The following NUDT21 variants were observed in gnomAD, a reference collection of about 807,000 sequenced individuals.
NUDT21 encodes the protein nudix hydrolase 21.
NUDT21 carries 5 observed loss-of-function variants against 29.8 expected under a neutral mutation model. That is an observed-to-expected ratio of 0.17 (90% CI 0.09 to 0.35). NUDT21 has a LOEUF of 0.35. Among genes scored for constraint, NUDT21 ranks in the 10% least tolerant of loss-of-function variants. The pLI, the probability that NUDT21 is intolerant of heterozygous loss-of-function variation, is 1.00. For missense variants in NUDT21, 76 were observed against 276.0 expected (o/e 0.28, Z 5.13); for synonymous variants, 113 against 98.5 (o/e 1.15, Z -0.87).
intron 4 of NUDT21, among the ~76,000 whole-genome samples, chr16:56,437,145 C>T (rs1242279387): frequency 2.0e-5 from 3 of 152,192 alleles, no homozygotes; most frequent in Admixed American, 2.0e-4. Context: ...CCAGCATCAG[C>T]TTCCACAGCC....
At chr16:56,437,420 T>C (rs1416978903) in intron 4 of NUDT21, among the ~76,000 whole-genome samples, 5 of 152,214 alleles carry the variant, frequency 3.3e-5, no homozygotes, top group African/African-American at 1.2e-4. Context: ...ATTATTTAAA[T>C]CCAAAAGGTC....
intron 3 of NUDT21, among the ~76,000 whole-genome samples, chr16:56,442,275 G>A (rs1962168408): frequency 6.6e-6 from 1 of 152,136 alleles, no homozygotes; most frequent in African/African-American, 2.4e-5. Context: ...CCATTTTGGG[G>A]GTGAACACCC....
intron 3 of NUDT21, among the ~76,000 whole-genome samples, chr16:56,440,530 C>G (rs181727648): frequency 6.6e-6 from 1 of 152,096 alleles, no homozygotes; most frequent in African/African-American, 2.4e-5. Context: ...GTTTGATGAT[C>G]TTGATAGCTT....
Position 56,434,453 on chromosome 16 carries a change from A to G in NUDT21, c.548-8T>C. 3.4e-6 allele frequency: 5 copies of G among 1,488,888 alleles called. No individual in the cohort carries two copies. The highest frequency in any genetic ancestry group is 4.7e-6 in the Non-Finnish European group (5 of 1,067,960). 92.2% of individuals were successfully genotyped at this position (1,488,888 alleles called of 1,614,324 possible). ...TAGGGACTGCAAACAAGGCTAAAAT[A>G]AAACAGAATTCATTATTATAAGTTA... On this transcript the variant is annotated splice_polypyrimidine_tract_variant and splice_region_variant and intron_variant, in intron 5 of 6. Coordinates refer to ENST00000300291, the MANE Select transcript of NUDT21 (RefSeq NM_007006.3).
intron 3 of NUDT21, among the ~76,000 whole-genome samples, chr16:56,445,438 ACT>A (rs1962208867): frequency 6.6e-6 from 1 of 152,018 alleles, no homozygotes; most frequent in Non-Finnish European, 1.5e-5. Context: ...ATCCAATTAT[ACT>A]CTTTTAGTTA....
chr16:56,434,523 A>G, intron 5 of NUDT21, 78 bp from the exon 6 acceptor site: 1 of 884,706 alleles, frequency 1.1e-6, no homozygotes, highest in Non-Finnish European at 1.8e-6. Flanking sequence ...TACCAATTTT[A>G]CATTTAATAA....
At chr16:56,440,394 G>A (rs1420478898) in intron 3 of NUDT21, among the ~76,000 whole-genome samples, 1 of 152,172 alleles carries the variant, frequency 6.6e-6, no homozygotes, top group East Asian at 1.9e-4. Context: ...GATATCCATA[G>A]TCTTTAACCT....
chr16:56,446,930 G>C, intron 2 of NUDT21: 1 of 354,158 alleles, frequency 2.8e-6, no homozygotes, highest in African/African-American at 2.1e-5. Flanking sequence ...TTTTATTGTA[G>C]ATTCAACGGG....
At chr16:56,434,972 T>C in intron 4 of NUDT21, 143 bp from the exon 5 acceptor site, 1 of 540,874 alleles carries the variant, frequency 1.8e-6, no homozygotes. Context: ...ACAGATACAC[T>C]AGTAAATAAA....
At chr16:56,445,832 T>C (rs1962212172) in intron 3 of NUDT21, among the ~76,000 whole-genome samples, 1 of 152,230 alleles carries the variant, frequency 6.6e-6, no homozygotes, top group South Asian at 2.1e-4. Context: ...CCATACATTA[T>C]ATAAATGGAA....
At chr16:56,448,050 C>T (rs1962238359) in intron 1 of NUDT21, 61 bp from the exon 2 acceptor site, 2 of 1,435,236 alleles carry the variant, frequency 1.4e-6, no homozygotes, top group Non-Finnish European at 1.9e-6. Context: ...CCATGACAGA[C>T]ATTAGCATAA....
chr16:56,433,187 A>G (rs1045101560), intron 6 of NUDT21, among the ~76,000 whole-genome samples: 9 of 152,228 alleles, frequency 5.9e-5, no homozygotes, highest in African/African-American at 1.7e-4. Flanking sequence ...GTGACGAAGT[A>G]GAAAGAGCAA....
chr16:56,437,789 G>A (rs1256403891), intron 4 of NUDT21, among the ~76,000 whole-genome samples: 1 of 152,120 alleles, frequency 6.6e-6, no homozygotes, highest in African/African-American at 2.4e-5. Context: ...CTGTACCCAA[G>A]TCTTGGTCTT....
At chr16:56,443,530 C>G (rs1962183231) in intron 3 of NUDT21, among the ~76,000 whole-genome samples, 1 of 152,176 alleles carries the variant, frequency 6.6e-6, no homozygotes, top group Non-Finnish European at 1.5e-5. Flanking sequence ...TGGTTTGTCT[C>G]CCTGCCCCCA....
At chr16:56,445,100 C>A (rs1194250063) in intron 3 of NUDT21, among the ~76,000 whole-genome samples, 5 of 152,074 alleles carry the variant, frequency 3.3e-5, no homozygotes, top group African/African-American at 4.8e-5. Flanking sequence ...CGGAGAATCG[C>A]TTAAACCCGG....
Position 56,451,313 on chromosome 16 carries a change from A to G in NUDT21, c.-111T>C. On this transcript the variant is annotated 5_prime_UTR_variant, in exon 1 of 7. Coordinates refer to ENST00000300291, the MANE Select transcript of NUDT21 (RefSeq NM_007006.3). ...CCTCAGCGGCTACTGCCCGCCATTA[A>G]CAGGACAGCGCAAGAGGAGGCGTAG... is the stretch of plus-strand genomic sequence containing the variant. 2 of 878,430 alleles carry G rather than the reference A, an allele frequency of 2.3e-6. No individual in the cohort carries two copies. Among genetic ancestry groups the G allele is most frequent in the South Asian group, 3.2e-5 (2 of 62,580 alleles). 54.4% of individuals were successfully genotyped at this position (878,430 alleles called of 1,614,324 possible).
intron 4 of NUDT21, among the ~76,000 whole-genome samples, chr16:56,435,769 A>ATATATATAT (rs1962096381): frequency 1.0e-5 from 1 of 99,760 alleles, no homozygotes; most frequent in Non-Finnish European, 2.1e-5. Flanking sequence ...ATATATATAT[A>ATATATATAT]TATATATATA....
intron 1 of NUDT21, among the ~76,000 whole-genome samples, chr16:56,449,864 T>G (rs1567541070): frequency 6.6e-6 from 1 of 152,146 alleles, no homozygotes. Flanking sequence ...TCCTCCCACC[T>G]CAGCCTCCCA....
chr16:56,434,697 C>A, intron 5 of NUDT21, 57 bp downstream of exon 5: 1 of 1,152,666 alleles, frequency 8.7e-7, no homozygotes, highest in South Asian at 1.2e-5. Flanking sequence ...TAGAGGTATC[C>A]TTGAAATTAT....
Sources: allele counts gnomAD v4.1 joint callset (sites outside exome capture counted in the v4.1 genomes callset), GRCh38; gene constraint gnomAD v4.1.1; transcripts MANE v1.5; gene names NCBI Gene and HGNC (gene_info 2026-07-23, HGNC 2026-07-21).